Variants in ANK2 observed in about 807,000 individuals in gnomAD.
ANK2 encodes ankyrin-2.
Under a neutral mutation model 360.5 loss-of-function variants are expected in ANK2, and 83 were observed. The ratio of observed to expected loss-of-function variants is 0.23; its 90% confidence interval spans 0.19 to 0.28. ANK2 has a LOEUF of 0.28. ANK2 is among the 10% of genes least tolerant of loss of function. The pLI, the probability that ANK2 is intolerant of heterozygous loss-of-function variation, is 1.00. For synonymous variants in ANK2, 1,740 were observed against 1,759.5 expected, an observed-to-expected ratio of 0.99 and a Z score of 0.28; for missense variants, 4,201 against 4,795.7, an observed-to-expected ratio of 0.88 and a Z score of 3.66.
chr4:113,006,226 C>G (rs2052797667), intron 2 of ANK2, among the ~76,000 whole-genome samples: 1 of 152,144 alleles, frequency 6.6e-6, no homozygotes, highest in Non-Finnish European at 1.5e-5. Context: ...CCCAAACAAC[C>G]TGACTTGGTC....
At position 113,214,343 on chromosome 4, in the gene ANK2, G is replaced by A. The variant is rs1585042615; in HGVS notation, c.384+15234G>A. 5 of 851,058 alleles carry A rather than the reference G, an allele frequency of 5.9e-6. 1 individual carries two copies. The Admixed American group carries it at 7.9e-5, about 13-fold the overall frequency. The allele number at this position is 851,058 out of a possible 1,614,324, so 52.7% of individuals were successfully genotyped here. On this transcript the variant is annotated intron_variant, in intron 4 of 45. Transcript: ENST00000357077. ...AGTTAGTGCAGCGAATAGGCTGCAC[G>A]TGGCCGCGGCCCTTTTTGGCACGAC... is the stretch of plus-strand genomic sequence containing the variant.
the ANK2 span, among the ~76,000 whole-genome samples, chr4:112,791,463 A>ACTTCTT: frequency 5.1e-5 from 6 of 118,238 alleles, no homozygotes; most frequent in African/African-American, 1.4e-4. Context: ...AAAGCCTCTT[A>ACTTCTT]CTTCTTCTTC....
At chr4:113,055,029 T>G (rs1042477984) in intron 1 of ANK2, among the ~76,000 whole-genome samples, 2 of 152,182 alleles carry the variant, frequency 1.3e-5, no homozygotes, top group African/African-American at 4.8e-5. Flanking sequence ...ACTTCAGACC[T>G]GCTGTGTATC....
the ANK2 span, chr4:112,788,134 A>G: frequency 6.3e-7 from 1 of 1,582,008 alleles, no homozygotes; most frequent in Non-Finnish European, 8.6e-7. Flanking sequence ...CGAGCTTGGC[A>G]ATGCGAGCCA....
chr4:112,941,660 T>C (rs942160696), intron 2 of ANK2, among the ~76,000 whole-genome samples: 2 of 145,716 alleles, frequency 1.4e-5, no homozygotes, highest in Admixed American at 6.9e-5. Flanking sequence ...TATAGATATA[T>C]ATAAATATAT....
chr4:112,827,384 C>T (rs1205826353), intron 1 of ANK2: 2 of 1,370,304 alleles, frequency 1.5e-6, no homozygotes, highest in Non-Finnish European at 1.0e-6. Context: ...GCTAATCTCA[C>T]AGCTCTTGCA....
chr4:112,904,488 T>A, exon 2 of ANK2: 1 of 1,507,182 alleles, frequency 6.6e-7, no homozygotes, highest in African/African-American at 1.4e-5. Flanking sequence ...AGAATTGGTA[T>A]TTCAAATGAC....
At chr4:112,738,985 T>G in the ANK2 span, 14 of 692,662 alleles carry the variant, frequency 2.0e-5, no homozygotes, top group South Asian at 1.9e-4. Context: ...GCAACAAATC[T>G]TACTGTGCTG....
intron 22 of ANK2, among the ~76,000 whole-genome samples, chr4:113,301,444 A>G (rs2153790049): frequency 6.6e-6 from 1 of 152,132 alleles, no homozygotes; most frequent in East Asian, 1.9e-4. Context: ...GCTTATTAAC[A>G]TATCTATTAC....
intron 2 of ANK2, among the ~76,000 whole-genome samples, chr4:112,932,123 G>C (rs992605359): frequency 6.6e-6 from 1 of 152,170 alleles, no homozygotes; most frequent in Non-Finnish European, 1.5e-5. Context: ...TTGGGAGGCT[G>C]AGACGGGTGG....
Position 113,236,952 on chromosome 4 carries a change from T to C in ANK2, c.484-35T>C, listed in dbSNP as rs749929608. The C allele has an allele frequency of 1.1e-5, 18 of 1,604,290 alleles. No individual in the cohort carries two copies. The Admixed American group carries it at 2.0e-4, about 18-fold the overall frequency. The stretch of plus-strand genomic sequence containing the variant: ...GAACTAAATCTCTAGCATCTGAAGA[T>C]GTTAACAGACAATTTTTACCTTCCA... On this transcript the variant is annotated intron_variant, in intron 5 of 45. Transcript: ENST00000357077.
At chr4:113,153,215 A>G (rs2154397238) in intron 1 of ANK2, among the ~76,000 whole-genome samples, 1 of 152,264 alleles carries the variant, frequency 6.6e-6, no homozygotes, top group African/African-American at 2.4e-5. Context: ...CAACTCTATT[A>G]AATAAACACA....
At chr4:113,187,689 A>G (rs2098555302) in intron 2 of ANK2, among the ~76,000 whole-genome samples, 1 of 152,220 alleles carries the variant, frequency 6.6e-6, no homozygotes, top group African/African-American at 2.4e-5. Flanking sequence ...GACTTACATG[A>G]ACCTATTTCA....
intron 1 of ANK2, among the ~76,000 whole-genome samples, chr4:113,137,852 A>T (rs1003562177): frequency 7.2e-5 from 11 of 152,216 alleles, no homozygotes; most frequent in Admixed American, 2.0e-4. Flanking sequence ...ATTTATTTCT[A>T]GCAGCATGTA....
At chr4:112,909,302 T>A (rs2150986489) in intron 2 of ANK2, among the ~76,000 whole-genome samples, 1 of 152,352 alleles carries the variant, frequency 6.6e-6, no homozygotes, top group South Asian at 2.1e-4. Context: ...TAAATTTAGA[T>A]AACTGAAGCT....
chr4:113,187,987 C>T (rs1208182881), intron 2 of ANK2, among the ~76,000 whole-genome samples: 1 of 152,132 alleles, frequency 6.6e-6, no homozygotes, highest in South Asian at 2.1e-4. Flanking sequence ...AGTGTGTGTG[C>T]GTATATACAT....
At chr4:113,317,640 A>G in intron 24 of ANK2, 67 bp from the exon 25 acceptor site, 3 of 1,251,636 alleles carry the variant, frequency 2.4e-6, no homozygotes, top group Non-Finnish European at 3.5e-6. Context: ...TGCTCGGCTC[A>G]TCATTTTGTC....
intron 2 of ANK2, among the ~76,000 whole-genome samples, chr4:113,003,069 T>C (rs2051402894): frequency 6.6e-6 from 1 of 152,202 alleles, no homozygotes; most frequent in South Asian, 2.1e-4. Context: ...ACACATATTT[T>C]AGTGGTTTTA....
rs780788513 is a variant in ANK2 at position 113,258,309 on chromosome 4, G to T, written c.1288-4G>T. The T allele has an allele frequency of 1.2e-6, 2 of 1,613,594 alleles. No homozygotes were observed. The highest frequency in any genetic ancestry group is 1.7e-5 in the Admixed American group (1 of 59,972). Reference sequence around the variant, plus strand: ...AGTAAAACTGCTGTTGCTTTGTTTCGCAGTCTGGCCTCACACCAATACATG... The same window carrying T: ...AGTAAAACTGCTGTTGCTTTGTTTCTCAGTCTGGCCTCACACCAATACATG... On this transcript the variant is annotated splice_region_variant and splice_polypyrimidine_tract_variant and intron_variant, in intron 12 of 45. Transcript: ENST00000357077.
Sources: allele counts gnomAD v4.1 joint callset (sites outside exome capture counted in the v4.1 genomes callset), GRCh38; gene constraint gnomAD v4.1.1; transcripts MANE v1.5; gene names NCBI Gene and HGNC (gene_info 2026-07-23, HGNC 2026-07-21).